Variants in GLI3 observed in about 807,000 individuals in gnomAD.
GLI3 encodes GLI family zinc finger 3, also known as transcription activator GLI3.
In GLI3, 20 loss-of-function variants were observed where a neutral mutation model predicts 100.8. The observed-to-expected ratio is 0.20, with a 90% confidence interval of 0.14 to 0.29. The LOEUF (loss-of-function observed/expected upper bound fraction) is 0.29. GLI3 is among the 10% of genes least tolerant of loss of function. The probability of loss-of-function intolerance (pLI) is 1.00; values close to 1 mark genes in which losing one functional copy is unlikely to be tolerated. For missense variants in GLI3, 2,040 were observed against 2,128.5 expected (o/e 0.96, Z 0.82); for synonymous variants, 938 against 860.5 (o/e 1.09, Z -1.58).
At chr7:42,213,832 G>T (rs3801233) in intron 2 of GLI3, among the ~76,000 whole-genome samples, 1 of 152,180 alleles carries the variant, frequency 6.6e-6, no homozygotes. Context: ...AACCTTAGTT[G>T]TGTCATATGG....
chr7:42,253,356 C>T (rs998094422), intron 1 of GLI3, among the ~76,000 whole-genome samples: 3 of 152,232 alleles, frequency 2.0e-5, no homozygotes, highest in Admixed American at 6.5e-5. Flanking sequence ...AGCGCATCTG[C>T]AGCAGAGCAG....
chr7:41,973,705 G>A (rs976104478), intron 12 of GLI3, among the ~76,000 whole-genome samples: 9 of 152,184 alleles, frequency 5.9e-5, no homozygotes, highest in African/African-American at 2.2e-4. Context: ...AAAGGATGCC[G>A]TGTCTTGTAG....
At chr7:42,097,797 C>A (rs1277766695) in intron 3 of GLI3, among the ~76,000 whole-genome samples, 2 of 152,122 alleles carry the variant, frequency 1.3e-5, no homozygotes, top group African/African-American at 2.4e-5. Context: ...CCTTCAAGGG[C>A]CTCAGTTCTG....
chr7:42,147,946 C>T (rs916668198), intron 3 of GLI3, among the ~76,000 whole-genome samples: 1 of 152,106 alleles, frequency 6.6e-6, no homozygotes, highest in Admixed American at 6.5e-5. Flanking sequence ...CAACAAAAGT[C>T]TCATGTGGAT....
chr7:42,129,219 C>T (rs914045491), intron 3 of GLI3, among the ~76,000 whole-genome samples: 6 of 152,158 alleles, frequency 3.9e-5, no homozygotes, highest in East Asian at 1.9e-4. Flanking sequence ...GAGCTACTCC[C>T]GGCCCCACTG....
intron 3 of GLI3, among the ~76,000 whole-genome samples, chr7:42,112,990 T>C (rs1400659307): frequency 6.6e-6 from 1 of 152,006 alleles, no homozygotes; most frequent in Non-Finnish European, 1.5e-5. Context: ...CTGGCCAACA[T>C]GGTGAAACCC....
intron 2 of GLI3, among the ~76,000 whole-genome samples, chr7:42,187,210 C>CAAA (rs5883817): frequency 1.0e-3 from 120 of 116,864 alleles, no homozygotes; most frequent in Admixed American, 1.5e-3. Flanking sequence ...GACCCTGTCT[C>CAAA]AAAAAAAAAA....
At chr7:42,042,217 T>C (rs573380552) in intron 6 of GLI3, among the ~76,000 whole-genome samples, 1 of 152,200 alleles carries the variant, frequency 6.6e-6, no homozygotes, top group African/African-American at 2.4e-5. Context: ...GGTTTCACTG[T>C]GTTGGCCAGG....
Position 42,045,387 on chromosome 7 carries a change from C to T in GLI3, c.823G>A (p.Asp275Asn), listed in dbSNP as rs1246757162. 1.2e-6 allele frequency: 2 copies of T among 1,613,944 alleles called. No individual in the cohort carries two copies. Among genetic ancestry groups the T allele is most frequent in the South Asian group, 2.2e-5 (2 of 91,080 alleles). Residue 275 changes from aspartate to asparagine, a missense_variant, in exon 6 of 15, where the codon GAT (aspartate) becomes AAT (asparagine). Transcript: ENST00000395925. ...AIHMEYLHAM[D>N]STRFSSPRLS... ...AGAAACCAGCCCCGTCACTTACTAT[C>T]CATAGCATGAAGATATTCCATGTGG...
intron 2 of GLI3, chr7:42,152,419 C>A: frequency 1.0e-6 from 1 of 985,482 alleles, no homozygotes; most frequent in Middle Eastern, 5.2e-4. Flanking sequence ...TCTCTAGCTG[C>A]GCAGACCCTC....
At chr7:42,135,716 C>A (rs765621227) in intron 3 of GLI3, among the ~76,000 whole-genome samples, 1 of 152,168 alleles carries the variant, frequency 6.6e-6, no homozygotes, top group Non-Finnish European at 1.5e-5. Context: ...TCCTTTTGAT[C>A]TTTTCTCATA....
At chr7:42,191,577 G>A (rs1787827904) in intron 2 of GLI3, among the ~76,000 whole-genome samples, 1 of 151,028 alleles carries the variant, frequency 6.6e-6, no homozygotes, top group Non-Finnish European at 1.5e-5. Flanking sequence ...GCTTGAACTC[G>A]GGAGGCAGAC....
intron 2 of GLI3, among the ~76,000 whole-genome samples, chr7:42,221,064 A>G (rs1788476371): frequency 6.6e-6 from 1 of 152,226 alleles, no homozygotes; most frequent in Non-Finnish European, 1.5e-5. Flanking sequence ...TTGAGGAAAC[A>G]GGTGATTATT....
intron 2 of GLI3, among the ~76,000 whole-genome samples, chr7:42,191,787 T>C (rs189111810): frequency 1.6e-4 from 24 of 152,198 alleles, no homozygotes; most frequent in Admixed American, 3.3e-4. Flanking sequence ...GTCCACCTTT[T>C]AAAGGTGAGA....
chr7:42,024,244 C>T (rs1470134491), intron 9 of GLI3, among the ~76,000 whole-genome samples: 1 of 152,234 alleles, frequency 6.6e-6, no homozygotes, highest in Admixed American at 6.5e-5. Flanking sequence ...CTCAGGGGCA[C>T]AGTCCTTCCT....
intron 2 of GLI3, among the ~76,000 whole-genome samples, chr7:42,202,598 G>A (rs1298639071): frequency 6.6e-6 from 1 of 152,158 alleles, no homozygotes; most frequent in African/African-American, 2.4e-5. Context: ...AGCTATGTTC[G>A]TAAATGCCAT....
At chr7:42,178,512 C>T (rs905077482) in intron 2 of GLI3, among the ~76,000 whole-genome samples, 1 of 152,150 alleles carries the variant, frequency 6.6e-6, no homozygotes, top group African/African-American at 2.4e-5. Flanking sequence ...GAACTCATCA[C>T]CCCCCTTCAA....
At chr7:42,246,607 T>C (rs1441528938) in intron 1 of GLI3, among the ~76,000 whole-genome samples, 1 of 135,512 alleles carries the variant, frequency 7.4e-6, no homozygotes, top group Non-Finnish European at 1.6e-5. Context: ...GAACTGTACA[T>C]ACAGAAAAAC....
At position 42,069,075 on chromosome 7, in the gene GLI3, G is replaced by C. The variant is rs533217940; in HGVS notation, c.473+7677C>G. Among the ~76,000 whole-genome samples the C allele has an allele frequency of 1.4e-4, 21 of 152,186 alleles. 1 individual carries two copies. Among genetic ancestry groups the C allele is most frequent in the African/African-American group, 4.8e-4 (20 of 41,504 alleles). The stretch of plus-strand genomic sequence containing the variant: ...GTTTGACAGCAGCCTCTATAGAGTC[G>C]GCGGCTTCCGGTTCAGTGAACGTGA... On this transcript the variant is annotated intron_variant, in intron 4 of 14. Transcript: ENST00000395925.
Sources: gnomAD v4.1 joint callset for allele counts (sites outside exome capture counted in the v4.1 genomes callset) on GRCh38, gnomAD v4.1.1 for gene constraint, MANE v1.5 for transcripts, NCBI Gene and HGNC (gene_info 2026-07-23, HGNC 2026-07-21) for gene names.